PUM2: variants seen among roughly 807,000 people sequenced by gnomAD.
The protein encoded by PUM2 is pumilio homolog 2.
Under a neutral mutation model 124.5 loss-of-function variants are expected in PUM2, and 57 were observed. That is an observed-to-expected ratio of 0.46 (90% CI 0.37 to 0.57). PUM2 has a LOEUF of 0.57. Among genes scored for constraint, PUM2 ranks in the 20% least tolerant of loss-of-function variants. The pLI, the probability that PUM2 is intolerant of heterozygous loss-of-function variation, is 0.00. For synonymous variants in PUM2, 460 were observed against 446.1 expected (o/e 1.03, Z -0.39); for missense variants, 1,065 against 1,290.6 (o/e 0.83, Z 2.68).
chr2:20,343,650 C>T (rs1322899012), intron 1 of PUM2, among the ~76,000 whole-genome samples: 1 of 152,018 alleles, frequency 6.6e-6, no homozygotes, highest in African/African-American at 2.4e-5. Context: ...ACCTATAATC[C>T]CAGCACTTTA....
intron 9 of PUM2, among the ~76,000 whole-genome samples, chr2:20,291,875 C>G (rs959700863): frequency 1.3e-5 from 2 of 152,066 alleles, no homozygotes; most frequent in Non-Finnish European, 2.9e-5. Flanking sequence ...ACCCAAGCAT[C>G]CTTTAATCTT....
intron 9 of PUM2, among the ~76,000 whole-genome samples, chr2:20,292,297 T>G (rs547602787): frequency 4.0e-5 from 5 of 125,136 alleles, no homozygotes; most frequent in African/African-American, 1.2e-4. Context: ...CAGTTGGTAG[T>G]TTTTTTTTTT....
chr2:20,254,855 T>G lies in PUM2; in HGVS notation c.2870+8A>C. The G allele has an allele frequency of 6.2e-7, 1 of 1,612,204 alleles. No individual in the cohort carries two copies. Among genetic ancestry groups the G allele is most frequent in the Non-Finnish European group, 8.5e-7 (1 of 1,179,234 alleles). ...ATTGACCCTTAAAATTACAAAGTAT[T>G]ACAATACCTGGCAAATTTGTGTTGA... is the stretch of plus-strand genomic sequence containing the variant. On this transcript the variant is annotated splice_region_variant and intron_variant, in intron 19 of 20. Coordinates refer to ENST00000361078, the MANE Select transcript of PUM2 (RefSeq NM_015317.5).
chr2:20,311,675 G>GAA lies in PUM2; in HGVS notation c.349-14_349-13dup. ...GCATCTCTAGTGCCCTGAGGAAAAA[G>GAA]AATCTGTTTGATTCTGAATATTTAA... On this transcript the variant is annotated splice_polypyrimidine_tract_variant and intron_variant, in intron 4 of 20. Coordinates refer to ENST00000361078, the MANE Select transcript of PUM2 (RefSeq NM_015317.5). 6.2e-7 allele frequency: 1 copy of GAA among 1,605,370 alleles called. No homozygotes were observed. The highest frequency in any genetic ancestry group is 8.5e-7 in the Non-Finnish European group (1 of 1,177,698).
intron 3 of PUM2, among the ~76,000 whole-genome samples, chr2:20,315,787 C>T (rs1317904296): frequency 6.7e-6 from 1 of 148,902 alleles, no homozygotes; most frequent in Non-Finnish European, 1.5e-5. Context: ...ATGGTGAAAC[C>T]CCATCTCTAC....
intron 15 of PUM2, among the ~76,000 whole-genome samples, chr2:20,258,919 G>A (rs1183657349): frequency 2.7e-5 from 4 of 149,662 alleles, no homozygotes; most frequent in Admixed American, 6.6e-5. Context: ...CACCCGCCTC[G>A]GCCTCCCAAA....
At chr2:20,282,880 T>C in intron 12 of PUM2, 67 bp downstream of exon 12, 1 of 1,468,940 alleles carries the variant, frequency 6.8e-7, no homozygotes, top group Non-Finnish European at 9.2e-7. Context: ...TTGCTTATTT[T>C]AATGTTAAAC....
At chr2:20,342,140 AAAAAGAAAG>A (rs1687350872) in intron 1 of PUM2, among the ~76,000 whole-genome samples, 1 of 151,896 alleles carries the variant, frequency 6.6e-6, no homozygotes, top group Non-Finnish European at 1.5e-5. Context: ...AAAAAAAAAA[AAAAAGAAAG>A]AAAAAGAAAT....
Position 20,249,388 on chromosome 2 carries a change from T to C in PUM2, c.*2197A>G, listed in dbSNP as rs149918549. The C allele has an allele frequency of 1.1e-4, 17 of 152,674 alleles. No homozygotes were observed. In the East Asian group the frequency reaches 3.3e-3, roughly 29 times the overall value. 9.5% of individuals were successfully genotyped at this position (152,674 alleles called of 1,614,324 possible). ...TGAGACAGCGGCTTTGTGTGGGTTT[T>C]AAAAAAATGAAACAAACACAAGGCG... is the stretch of plus-strand genomic sequence containing the variant. On this transcript the variant is annotated 3_prime_UTR_variant, in exon 21 of 21. Transcript: ENST00000361078.
At chr2:20,318,421 G>T in intron 3 of PUM2, 116 bp downstream of exon 3, 2 of 837,342 alleles carry the variant, frequency 2.4e-6, no homozygotes, top group Non-Finnish European at 1.8e-6. Context: ...GGGCAATAGC[G>T]CAAAACTATA....
intron 13 of PUM2, among the ~76,000 whole-genome samples, chr2:20,271,327 T>G (rs1236724721): frequency 1.3e-5 from 2 of 152,200 alleles, no homozygotes; most frequent in Non-Finnish European, 2.9e-5. Flanking sequence ...TTTCTGTTTT[T>G]CTGAGACAGG....
chr2:20,299,624 C>T (rs113049930), intron 7 of PUM2, among the ~76,000 whole-genome samples: 44,372 of 152,034 alleles, frequency 0.29, 6,725 homozygotes, highest in Middle Eastern at 0.35. Context: ...GCCAAGATCA[C>T]ACCACTGCAG....
intron 1 of PUM2, 98 bp downstream of exon 1, chr2:20,350,499 T>TGGCGATCGGCTCCCGCC: frequency 1.0e-6 from 1 of 985,104 alleles, no homozygotes; most frequent in Non-Finnish European, 1.2e-6. Context: ...GCCCTCCCGC[T>TGGCGATCGGCTCCCGCC]GGCGATCGGC....
chr2:20,281,097 A>G (rs1250212726), intron 12 of PUM2, among the ~76,000 whole-genome samples: 2 of 152,156 alleles, frequency 1.3e-5, no homozygotes, highest in African/African-American at 4.8e-5. Flanking sequence ...CAAACTTGTA[A>G]GAGTCCATAT....
intron 7 of PUM2, among the ~76,000 whole-genome samples, chr2:20,300,205 A>G (rs951744090): frequency 4.0e-5 from 6 of 151,560 alleles, no homozygotes; most frequent in Non-Finnish European, 8.8e-5. Flanking sequence ...GTTGGAGTGC[A>G]GTAGCACGAT....
At chr2:20,301,526 C>T (rs1676969725) in intron 7 of PUM2, among the ~76,000 whole-genome samples, 1 of 152,122 alleles carries the variant, frequency 6.6e-6, no homozygotes, top group Admixed American at 6.5e-5. Flanking sequence ...TATAACTGTA[C>T]TTTAATACAC....
chr2:20,316,001 G>T (rs1572889253), intron 3 of PUM2, among the ~76,000 whole-genome samples: 1 of 152,188 alleles, frequency 6.6e-6, no homozygotes, highest in East Asian at 1.9e-4. Context: ...GCCTTTTGTA[G>T]GGAAGATGTA....
intron 5 of PUM2, among the ~76,000 whole-genome samples, chr2:20,310,882 A>G (rs529703266): frequency 3.3e-5 from 5 of 152,100 alleles, no homozygotes; most frequent in Admixed American, 6.5e-5. Flanking sequence ...CAAAGGCTAA[A>G]GTACTCATTT....
At chr2:20,301,858 C>T (rs750469616) in intron 7 of PUM2, among the ~76,000 whole-genome samples, 7 of 152,130 alleles carry the variant, frequency 4.6e-5, no homozygotes, top group African/African-American at 9.7e-5. Context: ...GGATTACAGG[C>T]GTGAGCCACT....
Sources: gnomAD v4.1 joint callset for allele counts (sites outside exome capture counted in the v4.1 genomes callset) on GRCh38, gnomAD v4.1.1 for gene constraint, MANE v1.5 for transcripts, NCBI Gene and HGNC (gene_info 2026-07-23, HGNC 2026-07-21) for gene names.